CPNE4: variants seen among roughly 807,000 people sequenced by gnomAD.
CPNE4 encodes the protein copine-4.
In CPNE4, 25 loss-of-function variants were observed where a neutral mutation model predicts 67.9. That is an observed-to-expected ratio of 0.37 (90% CI 0.27 to 0.51). The LOEUF (loss-of-function observed/expected upper bound fraction) is 0.51, where lower values mean the gene tolerates loss of function less well. Ranked by LOEUF, CPNE4 falls within the 20% of genes least tolerant of loss-of-function variation. The pLI is 0.93. For missense variants in CPNE4, 464 were observed against 690.8 expected (o/e 0.67, Z 3.68); for synonymous variants, 242 against 244.9 (o/e 0.99, Z 0.11).
At chr3:131,765,926 T>C (rs893484317) in intron 2 of CPNE4, among the ~76,000 whole-genome samples, 1 of 152,120 alleles carries the variant, frequency 6.6e-6, no homozygotes, top group African/African-American at 2.4e-5. Context: ...CCTAAGTGGA[T>C]CTGGCACTAG....
intron 10 of CPNE4, 85 bp downstream of exon 10, chr3:131,574,986 G>A: frequency 8.8e-7 from 1 of 1,131,342 alleles, no homozygotes; most frequent in Non-Finnish European, 1.3e-6. Context: ...ATAAGCTTTT[G>A]TCTCTTTATC....
chr3:131,964,013 G>A (rs1394278043), intron 1 of CPNE4, among the ~76,000 whole-genome samples: 1 of 152,144 alleles, frequency 6.6e-6, no homozygotes, highest in Non-Finnish European at 1.5e-5. Context: ...CTAGGACAAA[G>A]CTTCCAGGGA....
At chr3:131,984,795 T>C (rs1462257317) in intron 1 of CPNE4, among the ~76,000 whole-genome samples, 2 of 152,168 alleles carry the variant, frequency 1.3e-5, no homozygotes, top group African/African-American at 4.8e-5. Flanking sequence ...TTCTTCTGTC[T>C]TCTAGGGAGA....
At chr3:131,693,704 T>A (rs75276097) in intron 5 of CPNE4, among the ~76,000 whole-genome samples, 3,285 of 152,156 alleles carry the variant, frequency 0.022, 73 homozygotes, top group African/African-American at 0.05. Context: ...GGACCATGCA[T>A]CACACTTGGA....
chr3:131,555,455 A>G lies in CPNE4; in HGVS notation c.1116+42T>C, dbSNP rs369001089. 23 of 1,576,344 alleles carry G rather than the reference A, an allele frequency of 1.5e-5. No homozygotes were observed. The African/African-American group carries it at 2.3e-4, about 16-fold the overall frequency. On this transcript the variant is annotated intron_variant, in intron 12 of 15. Transcript: ENST00000429747. ...CAAAGAAGAGCCAAGTTATCCTTTG[A>G]CCACAGTGAAGTGGAAGAAGATCAC...
At chr3:132,014,888 A>T (rs1363045550) in intron 1 of CPNE4, among the ~76,000 whole-genome samples, 1 of 152,216 alleles carries the variant, frequency 6.6e-6, no homozygotes, top group Non-Finnish European at 1.5e-5. Context: ...AGAATATTTT[A>T]AAATGGATCC....
chr3:131,727,381 T>C (rs1473054080), intron 2 of CPNE4, among the ~76,000 whole-genome samples: 1 of 151,448 alleles, frequency 6.6e-6, no homozygotes, highest in African/African-American at 2.4e-5. Flanking sequence ...GATCACAAAG[T>C]CAGGAAATCA....
At chr3:131,717,971 C>G (rs1017481716) in intron 3 of CPNE4, among the ~76,000 whole-genome samples, 23 of 148,156 alleles carry the variant, frequency 1.6e-4, no homozygotes, top group African/African-American at 5.9e-4. Context: ...TTCTTTCTCT[C>G]TCTCTGTCTC....
intron 1 of CPNE4, among the ~76,000 whole-genome samples, chr3:131,944,078 T>C (rs1473956198): frequency 1.3e-5 from 2 of 152,134 alleles, no homozygotes; most frequent in Non-Finnish European, 2.9e-5. Context: ...TTTTTTTCAA[T>C]TCCAAATCTC....
chr3:132,029,623 T>C (rs1432654699), intron 1 of CPNE4, among the ~76,000 whole-genome samples: 1 of 152,210 alleles, frequency 6.6e-6, no homozygotes, highest in African/African-American at 2.4e-5. Flanking sequence ...TACACTTGGA[T>C]AAGAAAGAGG....
intron 9 of CPNE4, among the ~76,000 whole-genome samples, chr3:131,576,083 G>A (rs1937541342): frequency 6.6e-6 from 1 of 152,028 alleles, no homozygotes; most frequent in Non-Finnish European, 1.5e-5. Context: ...CCTTCTACCT[G>A]GACAGCCAGT....
At chr3:131,647,156 G>A (rs1370346253) in intron 7 of CPNE4, among the ~76,000 whole-genome samples, 1 of 152,238 alleles carries the variant, frequency 6.6e-6, no homozygotes, top group South Asian at 2.1e-4. Flanking sequence ...GAGCTGAAGT[G>A]AAAGACGGAG....
intron 1 of CPNE4, among the ~76,000 whole-genome samples, chr3:132,025,862 T>C (rs900896645): frequency 5.9e-5 from 9 of 152,218 alleles, no homozygotes; most frequent in South Asian, 2.1e-4. Flanking sequence ...CCTACCTACA[T>C]ACAACACACA....
At chr3:131,669,857 G>T (rs2107655320) in intron 6 of CPNE4, 93 bp from the exon 7 acceptor site, 1 of 983,942 alleles carries the variant, frequency 1.0e-6, no homozygotes, top group Non-Finnish European at 1.6e-6. Flanking sequence ...CCATTGTGAT[G>T]CTTATGAAAA....
intron 2 of CPNE4, among the ~76,000 whole-genome samples, chr3:131,904,099 G>A (rs1461940914): frequency 1.3e-5 from 2 of 152,132 alleles, no homozygotes; most frequent in Non-Finnish European, 2.9e-5. Context: ...TCACACCACT[G>A]CCAAAGGAGC....
At chr3:131,696,834 T>C (rs1192432854) in intron 4 of CPNE4, among the ~76,000 whole-genome samples, 1 of 152,104 alleles carries the variant, frequency 6.6e-6, no homozygotes, top group African/African-American at 2.4e-5. Context: ...CCATTTATAC[T>C]GAGCAAGAGA....
intron 2 of CPNE4, among the ~76,000 whole-genome samples, chr3:131,851,031 T>C (rs1401337370): frequency 6.6e-6 from 1 of 152,096 alleles, no homozygotes; most frequent in East Asian, 1.9e-4. Flanking sequence ...TGCAGAACCA[T>C]CTATTATATT....
chr3:131,695,366 C>T (rs1312072339), intron 5 of CPNE4, among the ~76,000 whole-genome samples: 2 of 152,186 alleles, frequency 1.3e-5, no homozygotes, highest in Non-Finnish European at 2.9e-5. Flanking sequence ...GTTCATTTGA[C>T]TAAAGGGAAA....
intron 2 of CPNE4, among the ~76,000 whole-genome samples, chr3:131,870,819 T>C (rs1425066367): frequency 6.6e-6 from 1 of 152,136 alleles, no homozygotes; most frequent in Non-Finnish European, 1.5e-5. Flanking sequence ...CTAAGCCACA[T>C]TAGAGACGCA....
Sources: gnomAD v4.1 joint callset for allele counts (sites outside exome capture counted in the v4.1 genomes callset) on GRCh38, gnomAD v4.1.1 for gene constraint, MANE v1.5 for transcripts, NCBI Gene and HGNC (gene_info 2026-07-23, HGNC 2026-07-21) for gene names.